Variants in ATP5MK observed in about 807,000 individuals in gnomAD.
ATP5MK encodes ATP synthase membrane subunit k.
A neutral mutation model predicts 6.6 loss-of-function variants in ATP5MK; 5 were observed. The ratio of observed to expected loss-of-function variants is 0.76; its 90% CI spans 0.40 to 1.60. The LOEUF is 1.60. Among genes scored for constraint, ATP5MK ranks in the 40% most tolerant of loss-of-function variants. The pLI is 0.02. For synonymous variants in ATP5MK, 30 were observed against 24.5 expected, an observed-to-expected ratio of 1.22 and a Z score of -0.66; for missense variants, 57 against 66.6, an observed-to-expected ratio of 0.86 and a Z score of 0.50.
rs769309065 is a variant in ATP5MK, at chr10:103,392,146, C to T, written c.*3+45G>A. 1.4e-5 allele frequency: 22 copies of T among 1,530,582 alleles called. No homozygotes were observed. In the East Asian group the frequency reaches 2.0e-4, roughly 14 times the overall value. 94.8% of individuals were successfully genotyped at this position (1,530,582 alleles called of 1,614,324 possible). ...ACTAAATGTTAGGGAAAAATCCTAACATCAAAATGGCTAAATTATAAAGGT... is the reference window on the plus strand; with the variant it reads ...ACTAAATGTTAGGGAAAAATCCTAATATCAAAATGGCTAAATTATAAAGGT... On this transcript the variant is annotated intron_variant, in intron 4 of 4. Coordinates refer to ENST00000369815, the MANE Select transcript of ATP5MK (RefSeq NM_001206427.2).
intron 4 of ATP5MK, among the ~76,000 whole-genome samples, chr10:103,389,548 C>T (rs1421281598): frequency 2.0e-5 from 3 of 151,896 alleles, no homozygotes; most frequent in African/African-American, 7.3e-5. Flanking sequence ...GTCTCGAACT[C>T]CTGACCTCAA....
intron 4 of ATP5MK, 85 bp downstream of exon 4, chr10:103,392,106 A>G (rs1024803668): frequency 2.3e-6 from 3 of 1,311,370 alleles, no homozygotes; most frequent in Non-Finnish European, 3.2e-6. Context: ...CAAAATGACA[A>G]TGGTTTATTT....
intron 4 of ATP5MK, among the ~76,000 whole-genome samples, chr10:103,390,681 C>G (rs1452643681): frequency 1.3e-5 from 2 of 150,862 alleles, no homozygotes; most frequent in Non-Finnish European, 3.0e-5. Flanking sequence ...ATCCCAGCTA[C>G]TCAGGAGCCT....
Position 103,395,819 on chromosome 10 carries a change from T to G in ATP5MK, c.-83A>C, listed in dbSNP as rs754666949. The G allele has an allele frequency of 6.6e-6, 1 of 152,244 alleles. No individual in the cohort carries two copies. Among genetic ancestry groups the G allele is most frequent in the Non-Finnish European group, 1.5e-5 (1 of 68,050 alleles). The allele number at this position is 152,244 out of a possible 1,614,324, so 9.4% of individuals were successfully genotyped here. On this transcript the variant is annotated 5_prime_UTR_variant, in exon 2 of 5. Transcript: ENST00000369815. Reference sequence around the variant, plus strand: ...CACTCAGGTAACAGAAGCAGCCTCTTGCATTCACGGAGTTTACAGCTCTCT... The same window carrying G: ...CACTCAGGTAACAGAAGCAGCCTCTGGCATTCACGGAGTTTACAGCTCTCT...
chr10:103,392,077 T>C (rs2093416181), intron 4 of ATP5MK, 114 bp downstream of exon 4: 1 of 883,318 alleles, frequency 1.1e-6, no homozygotes, highest in Non-Finnish European at 1.7e-6. Context: ...TTTTTTTTTC[T>C]TGTATGCTAT....
At chr10:103,391,760 G>C (rs1046528337) in intron 4 of ATP5MK, among the ~76,000 whole-genome samples, 13 of 152,058 alleles carry the variant, frequency 8.5e-5, no homozygotes, top group Non-Finnish European at 8.8e-5. Context: ...CGCCTGCCTC[G>C]GCCTCCCATT....
At position 103,392,226 on chromosome 10, in the gene ATP5MK, AC is replaced by A; in HGVS notation, c.144del (p.Arg48SerfsTer8). ...GCTTTCACAGCTGGAGTTTTTTTGG[AC>A]CTTAACTTGAAATATAAGACAATCA... ...IALIVLYFKLRSKKTPAVKAT is the reference protein window; with the variant it reads ...IALIVLYFKLXSKKTPAVKAT On this transcript the variant is annotated frameshift_variant, in exon 4 of 5. Coordinates refer to ENST00000369815, the MANE Select transcript of ATP5MK (RefSeq NM_001206427.2). LOFTEE classifies it high-confidence loss of function. 2 of 1,613,396 alleles carry A rather than the reference AC, an allele frequency of 1.2e-6. No homozygotes were observed.
At chr10:103,393,234 A>G (rs2093419670) in intron 2 of ATP5MK, among the ~76,000 whole-genome samples, 1 of 152,238 alleles carries the variant, frequency 6.6e-6, no homozygotes, top group Non-Finnish European at 1.5e-5. Context: ...GGTAAGTAGT[A>G]GTATTAAGTA....
chr10:103,389,603 G>A (rs2133642723), intron 4 of ATP5MK, among the ~76,000 whole-genome samples: 2 of 152,198 alleles, frequency 1.3e-5, no homozygotes, highest in East Asian at 3.9e-4. Flanking sequence ...GATTACAGGT[G>A]TAAGCCACTG....
rs1398820405 is a variant in ATP5MK, at chr10:103,396,438, G to C, written c.-326C>G. 6.6e-6 allele frequency: 1 copy of C among 152,464 alleles called. No individual in the cohort carries two copies. The highest frequency in any genetic ancestry group is 1.5e-5 in the Non-Finnish European group (1 of 68,262). 9.4% of individuals were successfully genotyped at this position (152,464 alleles called of 1,614,324 possible). On this transcript the variant is annotated 5_prime_UTR_variant, in exon 1 of 5. Transcript: ENST00000369815. ...CAAAGCCGCAAATTCCGCAGCTGGT[G>C]TCCTTCAACGAATGTAACCACCTCT...
At chr10:103,390,654 G>T (rs2093411697) in intron 4 of ATP5MK, among the ~76,000 whole-genome samples, 1 of 152,094 alleles carries the variant, frequency 6.6e-6, no homozygotes, top group African/African-American at 2.4e-5. Context: ...AGCCATGCGT[G>T]GTGGTGTGCA....
At chr10:103,392,935 T>C (rs937387001) in intron 2 of ATP5MK, among the ~76,000 whole-genome samples, 3 of 152,136 alleles carry the variant, frequency 2.0e-5, no homozygotes, top group African/African-American at 7.2e-5. Context: ...AGGACCTCCA[T>C]GGGAGAAGGG....
intron 4 of ATP5MK, among the ~76,000 whole-genome samples, chr10:103,389,801 G>A (rs935511778): frequency 9.2e-5 from 14 of 151,590 alleles, no homozygotes; most frequent in Admixed American, 6.6e-5. Context: ...GCGCAATCTC[G>A]GCTCACTGCA....
At chr10:103,396,141 G>C (rs1225057216) in intron 1 of ATP5MK, 109 bp from the exon 2 acceptor site, 2 of 152,316 alleles carry the variant, frequency 1.3e-5, no homozygotes, top group Non-Finnish European at 2.9e-5. Flanking sequence ...ACGCTTCGCG[G>C]AGGGCCTCAT....
At chr10:103,394,850 G>A (rs2093425906) in intron 2 of ATP5MK, among the ~76,000 whole-genome samples, 1 of 150,686 alleles carries the variant, frequency 6.6e-6, no homozygotes, top group Admixed American at 6.7e-5. Flanking sequence ...GAAAATAAGG[G>A]CTTCACTTTG....
At chr10:103,391,296 T>C (rs530048708) in intron 4 of ATP5MK, among the ~76,000 whole-genome samples, 6 of 152,354 alleles carry the variant, frequency 3.9e-5, no homozygotes, top group African/African-American at 1.2e-4. Flanking sequence ...AGACAAGGCT[T>C]CATGCTCAAA....
chr10:103,394,295 A>C (rs1231621890), intron 2 of ATP5MK: 1 of 534,176 alleles, frequency 1.9e-6, no homozygotes, highest in Non-Finnish European at 3.9e-6. Context: ...ATGACCGCCT[A>C]TCTACCACGA....
intron 4 of ATP5MK, among the ~76,000 whole-genome samples, chr10:103,389,531 C>T (rs1301706745): frequency 6.6e-6 from 1 of 152,002 alleles, no homozygotes; most frequent in Non-Finnish European, 1.5e-5. Flanking sequence ...CCATGTTGGT[C>T]AGGCTGGTCT....
intron 4 of ATP5MK, 35 bp downstream of exon 4, chr10:103,392,156 G>A (rs762926892): frequency 3.9e-6 from 6 of 1,547,080 alleles, no homozygotes; most frequent in African/African-American, 1.4e-5. Flanking sequence ...CATCAAAATG[G>A]CTAAATTATA....
Sources: gnomAD v4.1 joint callset for allele counts (sites outside exome capture counted in the v4.1 genomes callset) on GRCh38, gnomAD v4.1.1 for gene constraint, MANE v1.5 for transcripts, NCBI Gene and HGNC (gene_info 2026-07-23, HGNC 2026-07-21) for gene names.